DLGAP5: variants seen among roughly 807,000 people sequenced by gnomAD.
DLGAP5 encodes DLG associated protein 5, also known as disks large-associated protein 5.
DLGAP5 carries 90 observed loss-of-function variants against 99.6 expected under a neutral mutation model. The ratio of observed to expected loss-of-function variants is 0.90; its 90% CI spans 0.76 to 1.08. The LOEUF is 1.08. Ranked by LOEUF, DLGAP5 falls within the 50% of genes least tolerant of loss-of-function variation. The pLI, the probability that DLGAP5 is intolerant of heterozygous loss-of-function variation, is 0.00. For synonymous variants in DLGAP5, 311 were observed against 321.3 expected (o/e 0.97, Z 0.34); for missense variants, 1,036 against 983.5 (o/e 1.05, Z -0.71).
chr14:55,185,198 T>TTTTA (rs900821383), intron 2 of DLGAP5, among the ~76,000 whole-genome samples: 1 of 152,116 alleles, frequency 6.6e-6, no homozygotes, highest in Non-Finnish European at 1.5e-5. Context: ...CTATCAACAC[T>TTTTA]TTTATTTATT....
intron 14 of DLGAP5, 43 bp downstream of exon 14, chr14:55,158,479 T>A (rs1452223670): frequency 6.5e-7 from 1 of 1,548,458 alleles, no homozygotes; most frequent in Non-Finnish European, 8.8e-7. Flanking sequence ...TCTTAAGTAG[T>A]CTCAGGAAAA....
At position 55,154,749 on chromosome 14, in the gene DLGAP5, T is replaced by C. The variant is rs778417884; in HGVS notation, c.1931A>G (p.Asn644Ser). The change falls in exon 15 of 19, where the codon AAC (asparagine) becomes AGC (serine). Residue 644 changes from asparagine to serine, a missense_variant. Coordinates refer to ENST00000247191, the MANE Select transcript of DLGAP5 (RefSeq NM_014750.5). ...ATTTCTACTCTGAGATACAGCTTTGTTGACAGACTTAGGTGTTCCAAGTCT... is the reference window on the plus strand; with the variant it reads ...ATTTCTACTCTGAGATACAGCTTTGCTGACAGACTTAGGTGTTCCAAGTCT... ...SQRLGTPKSV[N>S]KAVSQSRNEM... 3 of 1,614,164 alleles carry C rather than the reference T, an allele frequency of 1.9e-6. No homozygotes were observed. In the East Asian group the frequency reaches 6.7e-5, roughly 36 times the overall value.
At chr14:55,179,994 T>C (rs893245966) in intron 6 of DLGAP5, among the ~76,000 whole-genome samples, 2 of 152,086 alleles carry the variant, frequency 1.3e-5, no homozygotes, top group Non-Finnish European at 2.9e-5. Context: ...ATATTTACAT[T>C]ATACTTACAG....
At chr14:55,190,419 G>C (rs1883574361) in intron 1 of DLGAP5, among the ~76,000 whole-genome samples, 1 of 152,152 alleles carries the variant, frequency 6.6e-6, no homozygotes, top group East Asian at 1.9e-4. Flanking sequence ...GACGTCAGTA[G>C]ATCCAACTAG....
chr14:55,170,039 G>C (rs1333082405), intron 11 of DLGAP5, among the ~76,000 whole-genome samples: 1 of 152,112 alleles, frequency 6.6e-6, no homozygotes, highest in Non-Finnish European at 1.5e-5. Flanking sequence ...GGAGGCTGAG[G>C]CAGGAGAATC....
At chr14:55,170,655 C>A in intron 11 of DLGAP5, 47 bp downstream of exon 11, 1 of 1,440,348 alleles carries the variant, frequency 6.9e-7, no homozygotes, top group Non-Finnish European at 9.7e-7. Context: ...TAAACGTAAC[C>A]ATAGTAAAAG....
At chr14:55,174,834 G>T (rs1312564592) in intron 10 of DLGAP5, among the ~76,000 whole-genome samples, 1 of 152,086 alleles carries the variant, frequency 6.6e-6, no homozygotes, top group African/African-American at 2.4e-5. Flanking sequence ...GGGACTACAG[G>T]CGTGCACCAC....
intron 3 of DLGAP5, 103 bp from the exon 4 acceptor site, chr14:55,182,535 T>C: frequency 1.1e-6 from 1 of 894,468 alleles, no homozygotes; most frequent in African/African-American, 1.7e-5. Flanking sequence ...TTAAATTTTA[T>C]CCTTAATCTC....
At position 55,183,663 on chromosome 14, in the gene DLGAP5, C is replaced by G; in HGVS notation, c.329G>C (p.Arg110Thr). The G allele has an allele frequency of 1.9e-6, 3 of 1,612,324 alleles. No individual in the cohort carries two copies. Among genetic ancestry groups the G allele is most frequent in the Non-Finnish European group, 2.5e-6 (3 of 1,179,556 alleles). ...AAATATTCCTCGTTTAGCTTTCTCT[C>G]TCTGCTCTTTCAATTTTTGAAGTTG... ...EKQLQKLKEQ[R>T]EKAKRGIFKV... Residue 110 changes from arginine (R) to threonine (T), a missense_variant, in exon 3 of 19, where the codon AGA becomes ACA. Arg to Thr is a moderately conservative substitution (Grantham distance 71). Transcript: ENST00000247191.
chr14:55,155,715 C>G (rs1005236815), intron 14 of DLGAP5, among the ~76,000 whole-genome samples: 1 of 152,074 alleles, frequency 6.6e-6, no homozygotes, highest in East Asian at 1.9e-4. Context: ...GCAACAATAA[C>G]AATATTTTGG....
At chr14:55,161,398 TA>T (rs372112390) in intron 13 of DLGAP5, among the ~76,000 whole-genome samples, 1 of 133,154 alleles carries the variant, frequency 7.5e-6, no homozygotes, top group Non-Finnish European at 1.6e-5. Context: ...ACTTTATTAG[TA>T]AAAAAAAAAT....
intron 2 of DLGAP5, among the ~76,000 whole-genome samples, chr14:55,186,681 T>A (rs1310169494): frequency 6.9e-6 from 1 of 143,922 alleles, no homozygotes; most frequent in East Asian, 2.0e-4. Context: ...TTCCAATCTT[T>A]CACTCCCTGA....
chr14:55,175,732 C>T (rs1883037933), intron 9 of DLGAP5, among the ~76,000 whole-genome samples, 162 bp downstream of exon 9: 1 of 152,044 alleles, frequency 6.6e-6, no homozygotes. Context: ...TCTTTTCTGA[C>T]CCTGAGTTCA....
In DLGAP5 at chr14:55,183,279, ACTT is replaced by A. The variant is rs373929654; in HGVS notation, c.432+278_432+280del. Reference sequence around the variant, plus strand: ...ACAACGGCACTACCCTTATTTATAAACTTCTCCTGATTCTGCAAAACCTACAGG... The same window carrying A: ...ACAACGGCACTACCCTTATTTATAAACTCCTGATTCTGCAAAACCTACAGG... On this transcript the variant is annotated intron_variant, in intron 3 of 18. Transcript: ENST00000247191. Among the ~76,000 whole-genome samples the A allele has an allele frequency of 4.2e-3, 635 of 152,312 alleles. 4 individuals carry two copies. The highest frequency in any genetic ancestry group is 0.011 in the Admixed American group (170 of 15,294).
chr14:55,190,218 CCAG>C (rs759413434), intron 1 of DLGAP5, among the ~76,000 whole-genome samples: 66 of 151,768 alleles, frequency 4.3e-4, no homozygotes, highest in Non-Finnish European at 8.4e-4. Context: ...CTGCTTGAGC[CCAG>C]GAGTTTGAGA....
At chr14:55,176,112 T>TA in intron 8 of DLGAP5, 94 bp from the exon 9 acceptor site, 1 of 1,131,904 alleles carries the variant, frequency 8.8e-7, no homozygotes, top group African/African-American at 1.5e-5. Flanking sequence ...AGATCTGGGC[T>TA]AAAATAGAAA....
At position 55,188,965 on chromosome 14, in the gene DLGAP5, G is replaced by A. The variant is rs1883517645; in HGVS notation, c.215C>T (p.Pro72Leu). The A allele has an allele frequency of 9.9e-6, 16 of 1,613,082 alleles. No homozygotes were observed. The highest frequency in any genetic ancestry group is 1.4e-5 in the Non-Finnish European group (16 of 1,179,734). Reference sequence around the variant, plus strand: ...ACTTGGCTTAACATTGGTCTTTTCTGGAACAAGCCCTTGAGATGTCTCATC... The same window carrying A: ...ACTTGGCTTAACATTGGTCTTTTCTAGAACAAGCCCTTGAGATGTCTCATC... Reference protein sequence around the residue: ...ELDETSQGLVPEKTNVKPRAM... With the variant: ...ELDETSQGLVLEKTNVKPRAM... Residue 72 changes from proline (P) to leucine (L), a missense_variant, in exon 2 of 19, where the codon CCA becomes CTA. Transcript: ENST00000247191.
intron 15 of DLGAP5, among the ~76,000 whole-genome samples, chr14:55,153,388 A>T (rs1882085082): frequency 1.3e-5 from 2 of 151,972 alleles, no homozygotes. Context: ...AAAAATACAA[A>T]AAATTAGCTG....
intron 10 of DLGAP5, among the ~76,000 whole-genome samples, chr14:55,171,475 G>A (rs1324844161): frequency 6.6e-6 from 1 of 152,196 alleles, no homozygotes; most frequent in Non-Finnish European, 1.5e-5. Context: ...TATGGAAAAA[G>A]TATCCTAGCA....
Sources: allele counts gnomAD v4.1 joint callset (sites outside exome capture counted in the v4.1 genomes callset), GRCh38; gene constraint gnomAD v4.1.1; transcripts MANE v1.5; gene names NCBI Gene and HGNC (gene_info 2026-07-23, HGNC 2026-07-21).